The following PIGX variants were observed in gnomAD, a reference collection of about 807,000 sequenced individuals.
The protein encoded by PIGX is GPI alpha-1,4-mannosyltransferase I, stabilizing subunit.
A neutral mutation model predicts 28.7 loss-of-function variants in PIGX; 24 were observed. The ratio of observed to expected loss-of-function variants is 0.84; its 90% CI spans 0.60 to 1.17. The LOEUF is 1.17. Ranked by LOEUF, PIGX falls within the 50% of genes most tolerant of loss-of-function variation. The pLI is 0.00. For missense variants in PIGX, 305 were observed against 317.8 expected, an observed-to-expected ratio of 0.96 and a Z score of 0.31; for synonymous variants, 127 against 121.0, an observed-to-expected ratio of 1.05 and a Z score of -0.33.
At chr3:196,725,292 T>C (rs1318303798) in intron 3 of PIGX, among the ~76,000 whole-genome samples, 2 of 152,186 alleles carry the variant, frequency 1.3e-5, no homozygotes, top group Admixed American at 1.3e-4. Context: ...GTAACAAATT[T>C]AGTCTCTTAC....
At chr3:196,716,497 C>T (rs767933579) in intron 1 of PIGX, among the ~76,000 whole-genome samples, 19 of 152,272 alleles carry the variant, frequency 1.2e-4, no homozygotes, top group African/African-American at 4.6e-4. Flanking sequence ...AAAACACTTA[C>T]ATAGAACACT....
chr3:196,723,020 C>T (rs191654249), intron 3 of PIGX, among the ~76,000 whole-genome samples: 1 of 152,290 alleles, frequency 6.6e-6, no homozygotes, highest in African/African-American at 2.4e-5. Context: ...TATAACAACC[C>T]TGGAGGTGGA....
Position 196,716,933 on chromosome 3 carries a change from G to A in PIGX, c.176+12G>A, listed in dbSNP as rs143326020. 4,803 of 1,480,220 alleles carry A rather than the reference G, an allele frequency of 3.2e-3. 51 individuals are homozygous for A. Among genetic ancestry groups the A allele is most frequent in the African/African-American group, 0.029 (2,054 of 71,762 alleles). The allele number at this position is 1,480,220 out of a possible 1,614,324, so 91.7% of individuals were successfully genotyped here. ...GATGGTTTCCACAGGTAAGTTGCCT[G>A]TTGATTTCTATTTCTATTAAAATAA... is the stretch of plus-strand genomic sequence containing the variant. On this transcript the variant is annotated intron_variant, in intron 2 of 5. Transcript: ENST00000392391.
At chr3:196,727,796 G>C (rs1320374220) in intron 3 of PIGX, 127 bp from the exon 4 acceptor site, 10 of 538,890 alleles carry the variant, frequency 1.9e-5, no homozygotes, top group Admixed American at 7.1e-5. Context: ...AAGGGGAATG[G>C]AAATTGCTTA....
chr3:196,724,418 T>C (rs1272706956), intron 3 of PIGX, among the ~76,000 whole-genome samples: 2 of 152,208 alleles, frequency 1.3e-5, no homozygotes, highest in African/African-American at 4.8e-5. Context: ...TGTAAGGATA[T>C]GGGTTGGAAT....
chr3:196,728,382 G>A (rs1176207742), intron 4 of PIGX: 6 of 588,514 alleles, frequency 1.0e-5, no homozygotes, highest in African/African-American at 1.9e-5. Flanking sequence ...CCTTGACTGC[G>A]CTGCCCCAAC....
At chr3:196,721,005 T>C (rs1260743491) in intron 2 of PIGX, among the ~76,000 whole-genome samples, 1 of 152,178 alleles carries the variant, frequency 6.6e-6, no homozygotes, top group Admixed American at 6.5e-5. Context: ...CTTTTAAGAT[T>C]GTTTTCCATT....
Position 196,722,517 on chromosome 3 carries a change from G to C in PIGX, c.279G>C (p.Pro93=), listed in dbSNP as rs752310032. 5.6e-6 allele frequency: 9 copies of C among 1,613,248 alleles called. No individual in the cohort carries two copies. The Admixed American group carries it at 1.3e-4, about 24-fold the overall frequency. The change falls in exon 3 of 6, where the codon CCG becomes CCC. Residue 93 remains proline (P), a synonymous_variant. Transcript: ENST00000392391. ...TTCCTGCAGGACTTTATGTGGATCC[G>C]TATGAGTTGGCTTCATTACGAGAGA...
chr3:196,722,849 C>T (rs556951324), intron 3 of PIGX, among the ~76,000 whole-genome samples: 31 of 152,260 alleles, frequency 2.0e-4, no homozygotes, highest in African/African-American at 7.0e-4. Flanking sequence ...AGTGCCTCAA[C>T]AGTAACTTTG....
chr3:196,721,788 T>G (rs1459527503), intron 2 of PIGX, among the ~76,000 whole-genome samples: 1 of 152,010 alleles, frequency 6.6e-6, no homozygotes, highest in Non-Finnish European at 1.5e-5. Flanking sequence ...GGATTTGCTC[T>G]GTCACCCAGG....
chr3:196,728,972 CTG>C (rs1491073936), intron 4 of PIGX, among the ~76,000 whole-genome samples: 5 of 152,166 alleles, frequency 3.3e-5, no homozygotes, highest in African/African-American at 1.2e-4. Context: ...CAGATTTTGT[CTG>C]TGAGTTTTTA....
chr3:196,732,278 T>G (rs796098877), intron 5 of PIGX, among the ~76,000 whole-genome samples: 5 of 72,056 alleles, frequency 6.9e-5, no homozygotes, highest in African/African-American at 2.5e-4. Context: ...TTTATTTTTT[T>G]TTTTATTTTA....
At chr3:196,718,056 A>C (rs1169988048) in intron 2 of PIGX, 1 of 152,068 alleles carries the variant, frequency 6.6e-6, no homozygotes, top group Non-Finnish European at 1.5e-5. Flanking sequence ...CATGCCTGTA[A>C]TCCCAGCACT....
chr3:196,721,845 C>G (rs1346860207), intron 2 of PIGX, among the ~76,000 whole-genome samples: 1 of 152,030 alleles, frequency 6.6e-6, no homozygotes, highest in Non-Finnish European at 1.5e-5. Flanking sequence ...CTCCACCTCC[C>G]AGGCTCAAAA....
chr3:196,725,723 C>T (rs1236656406), intron 3 of PIGX, among the ~76,000 whole-genome samples: 2 of 152,130 alleles, frequency 1.3e-5, no homozygotes, highest in Non-Finnish European at 2.9e-5. Flanking sequence ...GTGTCTGGTA[C>T]TCACACAGGG....
At chr3:196,718,504 A>T (rs1315633207) in intron 2 of PIGX, among the ~76,000 whole-genome samples, 1 of 152,176 alleles carries the variant, frequency 6.6e-6, no homozygotes, top group Non-Finnish European at 1.5e-5. Context: ...AGAGGATCAT[A>T]CAATTTTTAT....
chr3:196,724,504 A>G (rs1712447730), intron 3 of PIGX, among the ~76,000 whole-genome samples: 1 of 152,198 alleles, frequency 6.6e-6, no homozygotes, highest in South Asian at 2.1e-4. Flanking sequence ...GGGTTACCCA[A>G]AAATTCATAT....
At position 196,733,612 on chromosome 3, in the gene PIGX, G is replaced by A. The variant is rs565740460; in HGVS notation, c.634-147G>A. The A allele has an allele frequency of 5.0e-6, 3 of 605,414 alleles. No homozygotes were observed. Among genetic ancestry groups the A allele is most frequent in the South Asian group, 4.0e-5 (2 of 49,930 alleles). The allele number at this position is 605,414 out of a possible 1,614,324, so 37.5% of individuals were successfully genotyped here. On this transcript the variant is annotated intron_variant, in intron 5 of 5. Coordinates refer to ENST00000392391, the MANE Select transcript of PIGX (RefSeq NM_017861.4). This position sits in a 1 kb window ranked among gnomAD's most constrained non-coding sequence, Gnocchi z 4.3. ...TTTTTAGTAGAGATGGTTTAGTAGA[G>A]ATGTTGGCCAGGCTGGTTTTGAACT...
intron 3 of PIGX, among the ~76,000 whole-genome samples, chr3:196,724,598 ATTAACAAGT>A (rs1395496589): frequency 1.3e-5 from 2 of 152,322 alleles, no homozygotes. Context: ...TTATAGATTG[ATTAACAAGT>A]TTATCTTGAT....
Sources: allele counts gnomAD v4.1 joint callset (sites outside exome capture counted in the v4.1 genomes callset), GRCh38; gene constraint gnomAD v4.1.1; non-coding constraint Gnocchi (gnomAD v3.1); transcripts MANE v1.5; gene names NCBI Gene and HGNC (gene_info 2026-07-23, HGNC 2026-07-21).